The following RMND5A variants were observed in gnomAD, a reference collection of about 807,000 sequenced individuals.
RMND5A encodes E3 ubiquitin-protein transferase RMND5A.
Under a neutral mutation model 49.7 loss-of-function variants are expected in RMND5A, and 17 were observed. The ratio of observed to expected loss-of-function variants is 0.34; its 90% CI spans 0.23 to 0.51. The LOEUF is 0.51. Among genes scored for constraint, RMND5A ranks in the 20% least tolerant of loss-of-function variants. The pLI is 0.96. For missense variants in RMND5A, 255 were observed against 471.3 expected, an observed-to-expected ratio of 0.54 and a Z score of 4.25; for synonymous variants, 156 against 167.7, an observed-to-expected ratio of 0.93 and a Z score of 0.54.
At chr2:86,758,605 G>GGT (rs372002785) in intron 4 of RMND5A, among the ~76,000 whole-genome samples, 31 of 151,986 alleles carry the variant, frequency 2.0e-4, no homozygotes, top group African/African-American at 1.2e-4. Flanking sequence ...CATGTAAAAG[G>GGT]GTGTGTGTGT....
At position 86,766,037 on chromosome 2, in the gene RMND5A, G is replaced by T; in HGVS notation, c.854+13G>T. On this transcript the variant is annotated intron_variant, in intron 6 of 8. Transcript: ENST00000283632. ...CTCTCAGTGTCAGGTATGGAAATTA[G>T]CCCTGTCTGTTATTGAAGTATGCAC... 1 of 1,608,974 alleles carries T rather than the reference G, an allele frequency of 6.2e-7. No homozygotes were observed. The highest frequency in any genetic ancestry group is 8.5e-7 in the Non-Finnish European group (1 of 1,177,740).
At position 86,760,355 on chromosome 2, in the gene RMND5A, T is replaced by C. The variant is rs115456973; in HGVS notation, c.522-4672T>C. Among the ~76,000 whole-genome samples the C allele has an allele frequency of 4.3e-3, 659 of 152,320 alleles. 7 individuals carry two copies. Among genetic ancestry groups the C allele is most frequent in the African/African-American group, 0.014 (601 of 41,576 alleles). ...CACTGCACCCAGCCCTTGTATTCTT[T>C]ATTGAACCTATGGGCAGTCTTTGCA... On this transcript the variant is annotated intron_variant, in intron 4 of 8. Coordinates refer to ENST00000283632, the MANE Select transcript of RMND5A (RefSeq NM_022780.4).
At chr2:86,735,077 C>G (rs1573430320) in intron 1 of RMND5A, among the ~76,000 whole-genome samples, 1 of 151,160 alleles carries the variant, frequency 6.6e-6, no homozygotes, top group East Asian at 1.9e-4. Context: ...TAGTATGTAT[C>G]AGTACCTCAT....
intron 7 of RMND5A, 55 bp downstream of exon 7, chr2:86,770,180 C>A: frequency 2.5e-6 from 3 of 1,201,584 alleles, no homozygotes; most frequent in Non-Finnish European, 3.7e-6. Context: ...AAGAATATGG[C>A]ATCTTTAAAT....
At position 86,729,537 on chromosome 2, in the gene RMND5A, G is replaced by C. The variant is rs796906194; in HGVS notation, c.142+8728G>C. Reference sequence around the variant, plus strand: ...ACAAAAGCAGTGCCCTGTAATGCACGGTTATGTATCTAGGCTAGATGCTAC... The same window carrying C: ...ACAAAAGCAGTGCCCTGTAATGCACCGTTATGTATCTAGGCTAGATGCTAC... On this transcript the variant is annotated intron_variant, in intron 1 of 8. Coordinates refer to ENST00000283632, the MANE Select transcript of RMND5A (RefSeq NM_022780.4). 4.3e-5 allele frequency among the ~76,000 whole-genome samples: 5 copies of C among 114,974 alleles called. No homozygotes were observed. In the East Asian group the frequency reaches 1.1e-3, roughly 26 times the overall value. The allele number at this position is 114,974 out of a possible 152,430, so 75.4% of individuals were successfully genotyped here.
At position 86,757,088 on chromosome 2, in the gene RMND5A, C is replaced by T. The variant is rs536422001; in HGVS notation, c.521+3530C>T. ...CTCAGGAAGGCTGAGGCAGGAGAAT[C>T]GCTTGAACCCGGGAGGCGGAGGTTG... On this transcript the variant is annotated intron_variant, in intron 4 of 8. Transcript: ENST00000283632. Among the ~76,000 whole-genome samples the T allele has an allele frequency of 2.6e-3, 386 of 149,612 alleles. 2 individuals are homozygous for T. The highest frequency in any genetic ancestry group is 8.6e-3 in the African/African-American group (351 of 40,632).
chr2:86,754,203 A>G (rs2104398818), intron 4 of RMND5A, among the ~76,000 whole-genome samples: 1 of 152,284 alleles, frequency 6.6e-6, no homozygotes, highest in East Asian at 1.9e-4. Context: ...TTATTTTACA[A>G]CCCTTTAAAA....
At chr2:86,768,458 C>G (rs1672636213) in intron 6 of RMND5A, among the ~76,000 whole-genome samples, 1 of 152,148 alleles carries the variant, frequency 6.6e-6, no homozygotes, top group Non-Finnish European at 1.5e-5. Flanking sequence ...CTGAGGAAGA[C>G]TCTAAAGTGG....
chr2:86,761,890 T>G (rs939774769), intron 4 of RMND5A, among the ~76,000 whole-genome samples: 1 of 152,176 alleles, frequency 6.6e-6, no homozygotes, highest in African/African-American at 2.4e-5. Context: ...AAACATAAAT[T>G]TAGTACATTA....
intron 4 of RMND5A, among the ~76,000 whole-genome samples, chr2:86,756,665 T>C (rs1439800533): frequency 6.6e-6 from 1 of 152,212 alleles, no homozygotes; most frequent in Non-Finnish European, 1.5e-5. Flanking sequence ...AAATTCCCTT[T>C]ACTCAACTTA....
At chr2:86,721,801 G>A (rs1388853927) in intron 1 of RMND5A, among the ~76,000 whole-genome samples, 6 of 149,548 alleles carry the variant, frequency 4.0e-5, no homozygotes, top group Non-Finnish European at 7.4e-5. Context: ...GGACGGTTTG[G>A]TAGCTGGGGG....
At chr2:86,721,351 A>C (rs1286892158) in intron 1 of RMND5A, among the ~76,000 whole-genome samples, 3 of 151,844 alleles carry the variant, frequency 2.0e-5, no homozygotes, top group African/African-American at 7.3e-5. Context: ...GTGGGTTAAC[A>C]ACAGCCGCTC....
chr2:86,764,161 G>A (rs370345401), intron 4 of RMND5A, among the ~76,000 whole-genome samples: 48 of 152,322 alleles, frequency 3.2e-4, no homozygotes, highest in African/African-American at 1.2e-3. Flanking sequence ...ACCCAGTTCA[G>A]ATTCTAGTGG....
chr2:86,720,579 A>G lies in RMND5A; in HGVS notation c.-89A>G, dbSNP rs1573423702. ...GCCTCCCGCGCCGCCCGCTTGGGGA[A>G]CGAGGAGCAGGACGCGGCCTCGGTG... On this transcript the variant is annotated 5_prime_UTR_variant, in exon 1 of 9. Transcript: ENST00000283632. The G allele has an allele frequency of 1.8e-6, 2 of 1,119,718 alleles. No individual in the cohort carries two copies. Among genetic ancestry groups the G allele is most frequent in the Non-Finnish European group, 1.1e-6 (1 of 885,928 alleles). The allele number at this position is 1,119,718 out of a possible 1,614,324, so 69.4% of individuals were successfully genotyped here. A position where few individuals can be genotyped will look rare whatever the true frequency, so the allele number is the denominator to read the frequency against.
chr2:86,767,662 A>G (rs1045176690), intron 6 of RMND5A, among the ~76,000 whole-genome samples: 1 of 152,212 alleles, frequency 6.6e-6, no homozygotes, highest in Non-Finnish European at 1.5e-5. Flanking sequence ...TGCATGAGTA[A>G]AAGAGTCATT....
intron 1 of RMND5A, among the ~76,000 whole-genome samples, chr2:86,721,527 CAT>C (rs1192174976): frequency 6.6e-6 from 1 of 151,698 alleles, no homozygotes; most frequent in African/African-American, 2.4e-5. Context: ...AAATTGTGCA[CAT>C]GTTGCTAGTT....
intron 2 of RMND5A, among the ~76,000 whole-genome samples, chr2:86,743,288 T>C (rs1681481758): frequency 6.6e-6 from 1 of 152,108 alleles, no homozygotes; most frequent in South Asian, 2.1e-4. Context: ...CATTCTGGCT[T>C]ATTTGGGCAG....
rs13297 is a variant in RMND5A, at chr2:86,775,583, G to A, written c.*2172G>A. 101,420 of 151,750 alleles carry A rather than the reference G, an allele frequency of 0.67. 34,128 individuals are homozygous for A. The highest frequency in any genetic ancestry group is 0.91 in the East Asian group (4,658 of 5,130). The allele number at this position is 151,750 out of a possible 1,614,324, so 9.4% of individuals were successfully genotyped here. A position where few individuals can be genotyped will look rare whatever the true frequency, so the allele number is the denominator to read the frequency against. The stretch of plus-strand genomic sequence containing the variant: ...TGCTGGGAGCCAAAAAACTGTTGAC[G>A]GTTTTTTGTGCAGCTCAAGAAAACT... On this transcript the variant is annotated 3_prime_UTR_variant, in exon 9 of 9. Coordinates refer to ENST00000283632, the MANE Select transcript of RMND5A (RefSeq NM_022780.4).
At chr2:86,762,693 TATATATC>T (rs60342372) in intron 4 of RMND5A, among the ~76,000 whole-genome samples, 13 of 5,534 alleles carry the variant, frequency 2.3e-3, no homozygotes, top group African/African-American at 7.4e-3. Context: ...ATATATATCA[TATATATC>T]ATATATATCA....
Sources: gnomAD v4.1 joint callset for allele counts (sites outside exome capture counted in the v4.1 genomes callset) on GRCh38, gnomAD v4.1.1 for gene constraint, MANE v1.5 for transcripts, NCBI Gene and HGNC (gene_info 2026-07-23, HGNC 2026-07-21) for gene names.